The following TPO variants were observed in gnomAD, a reference collection of about 807,000 sequenced individuals.
TPO encodes thyroid peroxidase.
TPO carries 78 observed loss-of-function variants against 96.9 expected under a neutral mutation model. The ratio of observed to expected loss-of-function variants is 0.81; its 90% confidence interval spans 0.67 to 0.97. The LOEUF (loss-of-function observed/expected upper bound fraction) is 0.97. Ranked by LOEUF, TPO falls within the 50% of genes least tolerant of loss-of-function variation. The pLI is 0.00. For missense variants in TPO, 1,252 were observed against 1,274.8 expected, an observed-to-expected ratio of 0.98 and a Z score of 0.27; for synonymous variants, 547 against 538.0, an observed-to-expected ratio of 1.02 and a Z score of -0.23.
chr2:1,538,076 G>GCCTCCTCAAATCCTCCCCACTGTGTGCAA (rs1330426942), intron 15 of TPO, among the ~76,000 whole-genome samples: 1 of 76,750 alleles, frequency 1.3e-5, no homozygotes, highest in Non-Finnish European at 2.4e-5. Context: ...ACTGTGTGCA[G>GCCTCCTCAAATCCTCCCCACTGTGTGCAA]CCTCCTCAAA....
chr2:1,430,942 AC>A (rs1183351926), intron 3 of TPO, among the ~76,000 whole-genome samples: 1 of 152,194 alleles, frequency 6.6e-6, no homozygotes, highest in Non-Finnish European at 1.5e-5. Context: ...TCCAGATGAG[AC>A]TTTGGACTTG....
At chr2:1,453,616 G>A in intron 5 of TPO, 78 bp from the exon 6 acceptor site, 6 of 1,608,986 alleles carry the variant, frequency 3.7e-6, no homozygotes, top group Non-Finnish European at 5.1e-6. Flanking sequence ...CCCTGAGAAT[G>A]GTGTCTTATA....
intron 8 of TPO, chr2:1,477,989 T>A: frequency 1.0e-6 from 1 of 985,320 alleles, no homozygotes; most frequent in Non-Finnish European, 1.2e-6. Context: ...CCAAGCTACG[T>A]GCTTTACAGA....
At chr2:1,420,015 C>G (rs28910000) in intron 2 of TPO, among the ~76,000 whole-genome samples, 3,191 of 152,278 alleles carry the variant, frequency 0.021, 54 homozygotes, top group Middle Eastern at 0.065. Flanking sequence ...ACCACCGGTT[C>G]CAGTAGAGAC....
At chr2:1,447,983 T>C (rs981275097) in intron 5 of TPO, among the ~76,000 whole-genome samples, 1 of 152,106 alleles carries the variant, frequency 6.6e-6, no homozygotes, top group Non-Finnish European at 1.5e-5. Flanking sequence ...CAGAACACCT[T>C]GTTGGGGCAG....
At chr2:1,406,238 G>A (rs1342572455) in intron 1 of TPO, among the ~76,000 whole-genome samples, 1 of 152,184 alleles carries the variant, frequency 6.6e-6, no homozygotes, top group Non-Finnish European at 1.5e-5. Flanking sequence ...AATCCACTTG[G>A]CAAGGGAAGC....
intron 15 of TPO, among the ~76,000 whole-genome samples, chr2:1,530,464 C>G (rs1677836510): frequency 6.8e-6 from 1 of 146,742 alleles, no homozygotes; most frequent in African/African-American, 2.5e-5. Context: ...ATCCCATCAA[C>G]TGTGTGCAAC....
rs777714325 is a variant in TPO at position 1,496,699 on chromosome 2, C to T, written c.2320C>T (p.Leu774Phe). Residue 774 changes from leucine (L) to phenylalanine (F), a missense_variant, in exon 13 of 17, where the codon CTC (leucine) becomes TTC (phenylalanine). By Grantham distance (22) the Leu-to-Phe change is conservative. Transcript: ENST00000329066. Reference protein sequence around the residue: ...LVYSCRHGYELQGREQLTCTQ... With the variant: ...LVYSCRHGYEFQGREQLTCTQ... ...GTATTCCTGCCGGCACGGGTATGAG[C>T]TCCAAGGCCGGGAGCAGCTCACTTG... 14 of 1,614,096 alleles carry T rather than the reference C, an allele frequency of 8.7e-6. No homozygotes were observed. In the Admixed American group the frequency reaches 2.3e-4, roughly 27 times the overall value.
At chr2:1,520,633 T>C (rs942168254) in intron 15 of TPO, among the ~76,000 whole-genome samples, 1 of 152,266 alleles carries the variant, frequency 6.6e-6, no homozygotes, top group Non-Finnish European at 1.5e-5. Flanking sequence ...GTTAACTCCA[T>C]GAAACCAACT....
At chr2:1,443,697 T>G (rs1666446225) in intron 5 of TPO, among the ~76,000 whole-genome samples, 1 of 120,078 alleles carries the variant, frequency 8.3e-6, no homozygotes, top group Non-Finnish European at 1.7e-5. Flanking sequence ...TGGAAGGGAA[T>G]GGAGCTGGCT....
chr2:1,384,936 T>C (rs1661867050), intron 1 of TPO, among the ~76,000 whole-genome samples: 1 of 152,258 alleles, frequency 6.6e-6, no homozygotes, highest in African/African-American at 2.4e-5. Context: ...TGTTGAATTT[T>C]GTCAAAGGCC....
intron 3 of TPO, among the ~76,000 whole-genome samples, chr2:1,432,176 G>T (rs1432295115): frequency 6.6e-6 from 1 of 152,254 alleles, no homozygotes; most frequent in Non-Finnish European, 1.5e-5. Context: ...TGCCAGCTTT[G>T]CTGCCAAAGG....
In TPO at chr2:1,416,918, G is replaced by T. The variant is rs142084789; in HGVS notation, c.94+2416G>T. Among the ~76,000 whole-genome samples the T allele has an allele frequency of 4.9e-3, 754 of 152,324 alleles. 4 individuals are homozygous for T. Among genetic ancestry groups the T allele is most frequent in the African/African-American group, 0.017 (692 of 41,570 alleles). On this transcript the variant is annotated intron_variant, in intron 2 of 16. Coordinates refer to ENST00000329066, the MANE Select transcript of TPO (RefSeq NM_001206744.2). ...CAGCGGCAGGGCCAAGAGGATCCAG[G>T]CTCCCCCTGGACCACACACGGTCAC...
chr2:1,537,729 C>T (rs1374464828), intron 15 of TPO, among the ~76,000 whole-genome samples: 2 of 129,344 alleles, frequency 1.5e-5, no homozygotes, highest in African/African-American at 5.9e-5. Flanking sequence ...CCCCAAATCC[C>T]CCAACTGTCT....
chr2:1,504,828 G>A (rs1028715209), intron 14 of TPO, among the ~76,000 whole-genome samples: 1 of 152,154 alleles, frequency 6.6e-6, no homozygotes, highest in Non-Finnish European at 1.5e-5. Flanking sequence ...CTGGCTTCCA[G>A]CTCTTATAGA....
At chr2:1,407,559 C>G (rs547250190) in intron 1 of TPO, among the ~76,000 whole-genome samples, 66 of 152,294 alleles carry the variant, frequency 4.3e-4, no homozygotes, top group African/African-American at 1.4e-3. Flanking sequence ...ACCCCCTTTT[C>G]TTGTCTCTTA....
chr2:1,476,071 G>T (rs188249006), intron 7 of TPO, among the ~76,000 whole-genome samples: 2,124 of 152,312 alleles, frequency 0.014, 48 homozygotes, highest in African/African-American at 0.048. Flanking sequence ...TTTCCCTAAT[G>T]CAGCCCAGGT....
upstream of TPO, among the ~76,000 whole-genome samples, chr2:1,409,092 G>A (rs1199397480): frequency 1.3e-5 from 2 of 151,846 alleles, no homozygotes; most frequent in South Asian, 4.2e-4. Flanking sequence ...GACAGACTGC[G>A]GTCCCCAGAG....
chr2:1,499,640 T>C (rs1271983264), intron 13 of TPO, among the ~76,000 whole-genome samples: 1 of 140,892 alleles, frequency 7.1e-6, no homozygotes, highest in Non-Finnish European at 1.6e-5. Flanking sequence ...TTATTACACC[T>C]GTGGTGTCTG....
Sources: gnomAD v4.1 joint callset for allele counts (sites outside exome capture counted in the v4.1 genomes callset) on GRCh38, gnomAD v4.1.1 for gene constraint, MANE v1.5 for transcripts, NCBI Gene and HGNC (gene_info 2026-07-23, HGNC 2026-07-21) for gene names.